The following ZPBP variants were observed in gnomAD, a reference collection of about 807,000 sequenced individuals.
ZPBP encodes the protein zona pellucida binding protein.
In ZPBP, 26 loss-of-function variants were observed where a neutral mutation model predicts 44.8. That is an observed-to-expected ratio of 0.58 (90% CI 0.43 to 0.81). The LOEUF (loss-of-function observed/expected upper bound fraction) is 0.81. Among genes scored for constraint, ZPBP ranks in the 30% least tolerant of loss-of-function variants. The pLI, the probability that ZPBP is intolerant of heterozygous loss-of-function variation, is 0.00. For missense variants in ZPBP, 409 were observed against 434.0 expected (o/e 0.94, Z 0.51); for synonymous variants, 174 against 153.2 (o/e 1.14, Z -1.00).
Position 49,961,878 on chromosome 7 carries a change from A to G in ZPBP, c.961+21464T>C, listed in dbSNP as rs577196034. 5.3e-5 allele frequency among the ~76,000 whole-genome samples: 8 copies of G among 152,162 alleles called. No homozygotes were observed. The East Asian group carries it at 1.5e-3, about 29-fold the overall frequency. On this transcript the variant is annotated intron_variant, in intron 7 of 7. Coordinates refer to ENST00000046087, the MANE Select transcript of ZPBP (RefSeq NM_007009.3). ...AAGAATGTAAAGCATGTAACAGAAT[A>G]TGACATTTTCTTTCAATGGATGATA...
intron 3 of ZPBP, among the ~76,000 whole-genome samples, chr7:50,063,104 G>A (rs115874208): frequency 0.034 from 5,183 of 152,206 alleles, 283 homozygotes; most frequent in African/African-American, 0.12. Flanking sequence ...CATGTTTTAC[G>A]ACTGAGTTTA....
rs1347491204 is a variant in ZPBP at position 50,093,206 on chromosome 7, C to T, written c.-12G>A. On this transcript the variant is annotated 5_prime_UTR_variant, in exon 1 of 8. Transcript: ENST00000046087. ...GCGAAGGCCTCCATCCACACGCCGCCGTCGCCTGCCCACCGTCCGCGCGGA... is the reference window on the plus strand; with the variant it reads ...GCGAAGGCCTCCATCCACACGCCGCTGTCGCCTGCCCACCGTCCGCGCGGA... 2.0e-6 allele frequency: 3 copies of T among 1,513,448 alleles called. No individual in the cohort carries two copies. The highest frequency in any genetic ancestry group is 2.3e-4 in the Middle Eastern group (1 of 4,300). The allele number at this position is 1,513,448 out of a possible 1,614,324, so 93.8% of individuals were successfully genotyped here. A position where few individuals can be genotyped will look rare whatever the true frequency, so the allele number is the denominator to read the frequency against.
At chr7:49,954,612 A>G (rs1227401403) in intron 7 of ZPBP, among the ~76,000 whole-genome samples, 1 of 152,186 alleles carries the variant, frequency 6.6e-6, no homozygotes, top group Non-Finnish European at 1.5e-5. Context: ...AATAGGCTTC[A>G]ATGTAAGAAA....
chr7:49,955,837 G>GA (rs1471886674), intron 7 of ZPBP, among the ~76,000 whole-genome samples: 1 of 152,014 alleles, frequency 6.6e-6, no homozygotes, highest in African/African-American at 2.4e-5. Context: ...GAAAATAAGA[G>GA]AACACTATGA....
intron 2 of ZPBP, among the ~76,000 whole-genome samples, chr7:49,877,408 G>A (rs2128725512): frequency 7.5e-6 from 1 of 133,614 alleles, no homozygotes; most frequent in South Asian, 2.4e-4. Context: ...GTTGCAGTGA[G>A]CTGAGATCAC....
intron 2 of ZPBP, among the ~76,000 whole-genome samples, chr7:49,885,753 A>T (rs1465322523): frequency 6.6e-6 from 1 of 152,224 alleles, no homozygotes; most frequent in Non-Finnish European, 1.5e-5. Context: ...AGATGCGGTT[A>T]AAGTATTGAT....
At chr7:49,850,251 C>T (rs1465646705), downstream of ZPBP, among the ~76,000 whole-genome samples, 1 of 152,196 alleles carries the variant, frequency 6.6e-6, no homozygotes, top group Non-Finnish European at 1.5e-5. Context: ...CACTTCATGC[C>T]ACACACCAGG....
intron 1 of ZPBP, among the ~76,000 whole-genome samples, chr7:49,908,005 G>A (rs1049340355): frequency 5.3e-5 from 8 of 152,098 alleles, no homozygotes; most frequent in African/African-American, 1.7e-4. Context: ...GATTGTCTAC[G>A]GAATGCAGAT....
chr7:50,030,353 G>A (rs1441951061), intron 5 of ZPBP, among the ~76,000 whole-genome samples: 2 of 151,924 alleles, frequency 1.3e-5, no homozygotes, highest in Non-Finnish European at 2.9e-5. Flanking sequence ...CAGAAAATGA[G>A]GCTGAACTTG....
At chr7:49,933,992 T>C (rs1671957029), downstream of ZPBP, among the ~76,000 whole-genome samples, 1 of 151,178 alleles carries the variant, frequency 6.6e-6, no homozygotes, top group African/African-American at 2.4e-5. Flanking sequence ...ACATGGCACA[T>C]GTATACATAT....
intron 4 of ZPBP, among the ~76,000 whole-genome samples, chr7:50,053,311 T>G (rs1358603943): frequency 6.6e-6 from 1 of 152,198 alleles, no homozygotes; most frequent in Non-Finnish European, 1.5e-5. Flanking sequence ...AGGACCATTC[T>G]CAGTCTACTT....
At chr7:49,958,267 T>G (rs1795696610) in intron 7 of ZPBP, among the ~76,000 whole-genome samples, 1 of 152,188 alleles carries the variant, frequency 6.6e-6, no homozygotes, top group South Asian at 2.1e-4. Flanking sequence ...CAGTTGATGC[T>G]GAAACAAGTT....
chr7:49,990,834 C>T (rs1228761918), intron 6 of ZPBP, among the ~76,000 whole-genome samples: 1 of 152,112 alleles, frequency 6.6e-6, no homozygotes, highest in East Asian at 1.9e-4. Context: ...CTAGATTGGT[C>T]TAACACACCT....
chr7:49,911,925 A>G (rs867333566), intron 1 of ZPBP: 60 of 590,024 alleles, frequency 1.0e-4, no homozygotes, highest in African/African-American at 4.0e-4. Context: ...AAATACACGC[A>G]CACACACACA....
intron 7 of ZPBP, among the ~76,000 whole-genome samples, chr7:49,978,583 G>C (rs1796632590): frequency 1.3e-5 from 2 of 151,896 alleles, no homozygotes; most frequent in South Asian, 4.1e-4. Flanking sequence ...TCTCAATCTT[G>C]TTTGTTGAAT....
chr7:49,868,870 C>T (rs1053607427), intron 2 of ZPBP, among the ~76,000 whole-genome samples: 8 of 152,218 alleles, frequency 5.3e-5, no homozygotes, highest in African/African-American at 1.9e-4. Flanking sequence ...CCACCTGCCT[C>T]GGCCTCCCAA....
intron 2 of ZPBP, among the ~76,000 whole-genome samples, chr7:49,852,200 A>G (rs1160702801): frequency 1.3e-5 from 2 of 152,168 alleles, no homozygotes; most frequent in Non-Finnish European, 2.9e-5. Flanking sequence ...CCTTACTAAC[A>G]TGGCCTGCAT....
At chr7:50,075,626 T>C (rs184427701) in intron 3 of ZPBP, among the ~76,000 whole-genome samples, 1 of 152,116 alleles carries the variant, frequency 6.6e-6, no homozygotes, top group East Asian at 1.9e-4. Flanking sequence ...TATGAGCAAC[T>C]ATATGCCAAT....
intron 1 of ZPBP, among the ~76,000 whole-genome samples, chr7:49,926,866 G>A (rs1794254843): frequency 6.6e-6 from 1 of 152,234 alleles, no homozygotes; most frequent in East Asian, 1.9e-4. Flanking sequence ...GCAACTGGCT[G>A]CAGAGGAGCG....
Sources: allele counts gnomAD v4.1 joint callset (sites outside exome capture counted in the v4.1 genomes callset), GRCh38; gene constraint gnomAD v4.1.1; transcripts MANE v1.5; gene names NCBI Gene and HGNC (gene_info 2026-07-23, HGNC 2026-07-21).